The following VAPB variants were observed in gnomAD, a reference collection of about 807,000 sequenced individuals.
VAPB encodes the protein vesicle-associated membrane protein-associated protein B/C.
Under a neutral mutation model 25.6 loss-of-function variants are expected in VAPB, and 7 were observed. The observed-to-expected ratio is 0.27, with a 90% confidence interval of 0.16 to 0.51. The LOEUF is 0.51. VAPB is among the 20% of genes least tolerant of loss of function. The pLI is 0.97. For missense variants in VAPB, 266 were observed against 301.3 expected, an observed-to-expected ratio of 0.88 and a Z score of 0.87; for synonymous variants, 112 against 109.2, an observed-to-expected ratio of 1.03 and a Z score of -0.16.
At position 58,450,341 on chromosome 20, in the gene VAPB, G is replaced by GT. The variant is rs577028853; in HGVS notation, c.*6107dup. 77 of 452,922 alleles carry GT rather than the reference G, an allele frequency of 1.7e-4. 1 individual carries two copies. Among genetic ancestry groups the GT allele is most frequent in the South Asian group, 1.1e-3 (71 of 64,428 alleles). 28.1% of individuals were successfully genotyped at this position (452,922 alleles called of 1,614,324 possible). Reference sequence around the variant, plus strand: ...TCATTCACTCCTTAGCAAACGTTTCGTAAGTACCCTCTGTCTGTTTGCTAC... The same window carrying GT: ...TCATTCACTCCTTAGCAAACGTTTCGTTAAGTACCCTCTGTCTGTTTGCTAC... On this transcript the variant is annotated 3_prime_UTR_variant, in exon 6 of 6. Transcript: ENST00000475243.
Position 58,438,965 on chromosome 20 carries a change from A to C in VAPB, c.336A>C (p.Glu112Asp). The change falls in exon 4 of 6, where the codon GAA becomes GAC. Residue 112 changes from glutamate to aspartate, a missense_variant. Glu to Asp is a conservative substitution (Grantham distance 45). Transcript: ENST00000475243. ...MEAVWKEAKP[E>D]DLMDSKLRCV... is the part of the protein sequence containing the mutation. ...TTTAGTGGAAGGAGGCAAAACCGGA[A>C]GACCTTATGGATTCAAAACTTAGAT... 1 of 1,613,956 alleles carries C rather than the reference A, an allele frequency of 6.2e-7. No homozygotes were observed. The highest frequency in any genetic ancestry group is 8.5e-7 in the Non-Finnish European group (1 of 1,179,962).
At position 58,446,366 on chromosome 20, in the gene VAPB, G is replaced by A. The variant is rs2123109134; in HGVS notation, c.*2131G>A. 1 of 454,108 alleles carries A rather than the reference G, an allele frequency of 2.2e-6. No individual in the cohort carries two copies. Among genetic ancestry groups the A allele is most frequent in the African/African-American group, 2.0e-5 (1 of 50,126 alleles). 28.1% of individuals were successfully genotyped at this position (454,108 alleles called of 1,614,324 possible). On this transcript the variant is annotated 3_prime_UTR_variant, in exon 6 of 6. Transcript: ENST00000475243. ...TTCCAGGCCCTCATGTCTTTGATAG[G>A]AGAGTGCTTAGGTGGTCCCCAACAG... is the stretch of plus-strand genomic sequence containing the variant.
chr20:58,418,392 G>T, intron 2 of VAPB, 29 bp downstream of exon 2: 6 of 1,612,684 alleles, frequency 3.7e-6, no homozygotes, highest in Non-Finnish European at 5.1e-6. Context: ...GGCCTAGAGG[G>T]TGGGCTCAGA....
chr20:58,397,159 T>C (rs1987978438), intron 1 of VAPB, among the ~76,000 whole-genome samples: 1 of 152,242 alleles, frequency 6.6e-6, no homozygotes, highest in South Asian at 2.1e-4. Context: ...CTCCAAAGAA[T>C]GTTTGATTTC....
intron 1 of VAPB, among the ~76,000 whole-genome samples, chr20:58,406,584 A>G (rs571893465): frequency 1.3e-5 from 2 of 152,316 alleles, no homozygotes; most frequent in South Asian, 4.1e-4. Context: ...AGAATGCTAA[A>G]CTTGTTCTTC....
At position 58,389,405 on chromosome 20, in the gene VAPB, G is replaced by A. The variant is rs772519194; in HGVS notation, c.-55G>A. 6.0e-6 allele frequency: 9 copies of A among 1,492,544 alleles called. No individual in the cohort carries two copies. The highest frequency in any genetic ancestry group is 4.8e-5 in the South Asian group (4 of 83,162). The allele number at this position is 1,492,544 out of a possible 1,614,324, so 92.5% of individuals were successfully genotyped here. A position where few individuals can be genotyped will look rare whatever the true frequency, so the allele number is the denominator to read the frequency against. Reference sequence around the variant, plus strand: ...AGCGGGCGCAGCATTAACGCTTCCCGCCCCGGTGACCTCTCAGGGGTCTCC... The same window carrying A: ...AGCGGGCGCAGCATTAACGCTTCCCACCCCGGTGACCTCTCAGGGGTCTCC... On this transcript the variant is annotated 5_prime_UTR_variant, in exon 1 of 6. Coordinates refer to ENST00000475243, the MANE Select transcript of VAPB (RefSeq NM_004738.5).
Position 58,445,947 on chromosome 20 carries a change from A to T in VAPB, c.*1712A>T. The stretch of plus-strand genomic sequence containing the variant: ...GTTCATCAGAAGGAAGGCAGTCCTT[A>T]GAAGTCACATACGTTGAGCCACGTT... On this transcript the variant is annotated 3_prime_UTR_variant, in exon 6 of 6. Coordinates refer to ENST00000475243, the MANE Select transcript of VAPB (RefSeq NM_004738.5). 1 of 454,112 alleles carries T rather than the reference A, an allele frequency of 2.2e-6. No homozygotes were observed. Among genetic ancestry groups the T allele is most frequent in the Non-Finnish European group, 4.4e-6 (1 of 226,798 alleles). 28.1% of individuals were successfully genotyped at this position (454,112 alleles called of 1,614,324 possible). A position where few individuals can be genotyped will look rare whatever the true frequency, so the allele number is the denominator to read the frequency against.
Position 58,446,707 on chromosome 20 carries a change from T to G in VAPB, c.*2472T>G, listed in dbSNP as rs1486940412. 4 of 453,952 alleles carry G rather than the reference T, an allele frequency of 8.8e-6. No individual in the cohort carries two copies. The highest frequency in any genetic ancestry group is 6.9e-5 in the East Asian group (1 of 14,400). The allele number at this position is 453,952 out of a possible 1,614,324, so 28.1% of individuals were successfully genotyped here. ...TCTAGAGGTTAGGACTTGGTGAACA[T>G]GTTTGTGGGCCTTTTGACTGAGTGG... On this transcript the variant is annotated 3_prime_UTR_variant, in exon 6 of 6. Transcript: ENST00000475243.
chr20:58,402,118 TC>T (rs985575243), intron 1 of VAPB, among the ~76,000 whole-genome samples: 1 of 152,208 alleles, frequency 6.6e-6, no homozygotes, highest in African/African-American at 2.4e-5. Context: ...TTAAATGTCT[TC>T]CTGTTGCCAA....
intron 2 of VAPB, among the ~76,000 whole-genome samples, chr20:58,427,145 G>T (rs1455868947): frequency 6.6e-6 from 1 of 152,110 alleles, no homozygotes; most frequent in Non-Finnish European, 1.5e-5. Context: ...GCAGGTCCAT[G>T]ATCTGTTACC....
At chr20:58,421,929 C>A (rs1426424716) in intron 2 of VAPB, among the ~76,000 whole-genome samples, 1 of 152,176 alleles carries the variant, frequency 6.6e-6, no homozygotes, top group East Asian at 1.9e-4. Flanking sequence ...CATTGTGCTT[C>A]AAAAGTTCAG....
At chr20:58,439,507 T>C (rs769403612) in intron 4 of VAPB, 16 of 187,498 alleles carry the variant, frequency 8.5e-5, no homozygotes, top group Admixed American at 2.7e-4. Flanking sequence ...GCCTCAACAC[T>C]GTTGATATTT....
chr20:58,391,185 G>C (rs371528981), intron 1 of VAPB, among the ~76,000 whole-genome samples: 5 of 152,254 alleles, frequency 3.3e-5, no homozygotes, highest in African/African-American at 1.2e-4. Context: ...GGTTCATTCG[G>C]TTAGTCCACA....
At position 58,448,892 on chromosome 20, in the gene VAPB, A is replaced by T; in HGVS notation, c.*4657A>T. 1 of 453,034 alleles carries T rather than the reference A, an allele frequency of 2.2e-6. No individual in the cohort carries two copies. The highest frequency in any genetic ancestry group is 4.4e-6 in the Non-Finnish European group (1 of 226,710). 28.1% of individuals were successfully genotyped at this position (453,034 alleles called of 1,614,324 possible). ...ATATTGCCAGTCCGTCTCGGCAAGG[A>T]GATGATGGGAGCGCTTTATATGGAG... On this transcript the variant is annotated 3_prime_UTR_variant, in exon 6 of 6. Transcript: ENST00000475243.
chr20:58,436,992 CTTTTT>C (rs34944837), intron 3 of VAPB, among the ~76,000 whole-genome samples: 11 of 77,430 alleles, frequency 1.4e-4, no homozygotes, highest in Non-Finnish European at 1.6e-4. Context: ...AAACTTTGAA[CTTTTT>C]TTTTTTTTTT....
At chr20:58,401,395 C>T (rs559498411) in intron 1 of VAPB, among the ~76,000 whole-genome samples, 2 of 152,204 alleles carry the variant, frequency 1.3e-5, no homozygotes, top group South Asian at 4.2e-4. Context: ...ACATAGTTTC[C>T]TGTCTTTTTT....
intron 2 of VAPB, among the ~76,000 whole-genome samples, chr20:58,418,957 A>C (rs1313236660): frequency 6.6e-6 from 1 of 152,182 alleles, no homozygotes; most frequent in Non-Finnish European, 1.5e-5. Context: ...TCCAAAATCC[A>C]CCTTTTGAAA....
intron 2 of VAPB, among the ~76,000 whole-genome samples, chr20:58,426,480 G>C (rs911882924): frequency 6.6e-6 from 1 of 152,132 alleles, no homozygotes; most frequent in Non-Finnish European, 1.5e-5. Flanking sequence ...TGATAAGGGA[G>C]ACTTTGATGA....
chr20:58,448,272 A>C lies in VAPB; in HGVS notation c.*4037A>C. 2.2e-6 allele frequency: 1 copy of C among 454,044 alleles called. No individual in the cohort carries two copies. Among genetic ancestry groups the C allele is most frequent in the South Asian group, 1.6e-5 (1 of 64,476 alleles). The allele number at this position is 454,044 out of a possible 1,614,324, so 28.1% of individuals were successfully genotyped here. On this transcript the variant is annotated 3_prime_UTR_variant, in exon 6 of 6. Transcript: ENST00000475243. ...CTGGAACACCAAGAGCAGCTCTGAGATCATGCTGGCCCTACGCGAATTGAG... is the reference window on the plus strand; with the variant it reads ...CTGGAACACCAAGAGCAGCTCTGAGCTCATGCTGGCCCTACGCGAATTGAG...
Sources: gnomAD v4.1 joint callset for allele counts (sites outside exome capture counted in the v4.1 genomes callset) on GRCh38, gnomAD v4.1.1 for gene constraint, MANE v1.5 for transcripts, NCBI Gene and HGNC (gene_info 2026-07-23, HGNC 2026-07-21) for gene names.